The following NEK7 variants were observed in gnomAD, a reference collection of about 807,000 sequenced individuals.
NEK7 encodes the protein serine/threonine-protein kinase Nek7.
In NEK7, 18 loss-of-function variants were observed where a neutral mutation model predicts 44.6. That is an observed-to-expected ratio of 0.40 (90% CI 0.28 to 0.60). The LOEUF (loss-of-function observed/expected upper bound fraction) is 0.60, where lower values mean the gene tolerates loss of function less well. Among genes scored for constraint, NEK7 ranks in the 20% least tolerant of loss-of-function variants. The probability of loss-of-function intolerance (pLI) is 0.38; values close to 1 mark genes in which losing one functional copy is unlikely to be tolerated. For missense variants in NEK7, 256 were observed against 366.5 expected (o/e 0.70, Z 2.46); for synonymous variants, 130 against 121.1 (o/e 1.07, Z -0.48).
At chr1:198,237,790 ATTC>A (rs1666577762) in intron 2 of NEK7, among the ~76,000 whole-genome samples, 1 of 152,098 alleles carries the variant, frequency 6.6e-6, no homozygotes, top group Non-Finnish European at 1.5e-5. Flanking sequence ...GCTCATTCAT[ATTC>A]TTCAAGTATA....
At chr1:198,319,377 C>T in intron 9 of NEK7, 35 bp from the exon 10 acceptor site, 2 of 1,477,136 alleles carry the variant, frequency 1.4e-6, no homozygotes, top group Middle Eastern at 1.8e-4. Flanking sequence ...AAATAGTTGT[C>T]TTAATCAGGT....
intron 2 of NEK7, among the ~76,000 whole-genome samples, chr1:198,233,526 TTTTG>T (rs1666460846): frequency 6.6e-6 from 1 of 152,142 alleles, no homozygotes; most frequent in African/African-American, 2.4e-5. Flanking sequence ...CTTGTCCCAA[TTTTG>T]TTTGGACGGT....
chr1:198,167,298 A>G (rs1346879900), intron 1 of NEK7, among the ~76,000 whole-genome samples: 1 of 152,158 alleles, frequency 6.6e-6, no homozygotes, highest in Non-Finnish European at 1.5e-5. Flanking sequence ...CAACAAGCAA[A>G]ATCTATGCTT....
At chr1:198,182,750 T>G (rs961864629) in intron 1 of NEK7, among the ~76,000 whole-genome samples, 1 of 152,198 alleles carries the variant, frequency 6.6e-6, no homozygotes, top group Non-Finnish European at 1.5e-5. Flanking sequence ...TACAACTGAT[T>G]ACAGTTATTT....
At chr1:198,239,072 T>G (rs1254005141) in intron 2 of NEK7, among the ~76,000 whole-genome samples, 1 of 152,220 alleles carries the variant, frequency 6.6e-6, no homozygotes, top group East Asian at 1.9e-4. Context: ...GTTTAGAATA[T>G]TGTCATTTGA....
At chr1:198,244,563 C>T (rs760993449) in intron 2 of NEK7, among the ~76,000 whole-genome samples, 2 of 151,920 alleles carry the variant, frequency 1.3e-5, no homozygotes, top group African/African-American at 4.8e-5. Context: ...CAGACTGATA[C>T]GTAGAAGTTA....
intron 1 of NEK7, among the ~76,000 whole-genome samples, chr1:198,204,762 G>C (rs986714104): frequency 6.8e-6 from 1 of 147,676 alleles, no homozygotes; most frequent in Non-Finnish European, 1.5e-5. Context: ...TTCATTTACA[G>C]ATATTGGCTG....
chr1:198,294,622 A>G (rs1288192696), intron 8 of NEK7, among the ~76,000 whole-genome samples: 1 of 152,138 alleles, frequency 6.6e-6, no homozygotes, highest in Non-Finnish European at 1.5e-5. Flanking sequence ...TAGCATACTC[A>G]TGTCAAAACT....
intron 3 of NEK7, among the ~76,000 whole-genome samples, chr1:198,257,941 T>C (rs1338461796): frequency 6.6e-6 from 1 of 151,966 alleles, no homozygotes; most frequent in Non-Finnish European, 1.5e-5. Flanking sequence ...GTGTGGAAAA[T>C]AGACAATAAA....
chr1:198,172,221 C>G (rs1185463697), intron 1 of NEK7, among the ~76,000 whole-genome samples: 1 of 152,144 alleles, frequency 6.6e-6, no homozygotes. Context: ...ATAGACCATA[C>G]CAGCACTCTT....
Position 198,244,141 on chromosome 1 carries a change from A to ACATT in NEK7, c.58-8899_58-8898insCATT, listed in dbSNP as rs1284945945. Among the ~76,000 whole-genome samples, 2 of 152,184 alleles carry ACATT rather than the reference A, an allele frequency of 1.3e-5. 1 individual carries two copies. The highest frequency in any genetic ancestry group is 3.8e-4 in the East Asian group (2 of 5,204). On this transcript the variant is annotated intron_variant, in intron 2 of 9. Transcript: ENST00000367385. ...ATATAAAATGTAAGGTAGTTTATTT[A>ACATT]AAATAATTAAGTGGCACAGGAAAAT...
chr1:198,312,337 T>G (rs916629232), intron 9 of NEK7, among the ~76,000 whole-genome samples: 31 of 151,012 alleles, frequency 2.1e-4, no homozygotes, highest in Non-Finnish European at 2.5e-4. Flanking sequence ...CTTTTTTTCT[T>G]TATTAGTCTT....
chr1:198,252,567 T>TATATATATATATAA (rs1307124157), intron 2 of NEK7, among the ~76,000 whole-genome samples: 1 of 50,994 alleles, frequency 2.0e-5, no homozygotes, highest in Non-Finnish European at 3.1e-5. Context: ...TATATATATA[T>TATATATATATATAA]AAAAAGTACA....
At chr1:198,158,867 G>C (rs1045159517) in intron 1 of NEK7, among the ~76,000 whole-genome samples, 1 of 152,156 alleles carries the variant, frequency 6.6e-6, no homozygotes, top group Non-Finnish European at 1.5e-5. Context: ...GGTCTCGCAC[G>C]GGGAACTTGC....
chr1:198,159,940 G>A (rs1387248842), intron 1 of NEK7, among the ~76,000 whole-genome samples: 1 of 152,142 alleles, frequency 6.6e-6, no homozygotes, highest in Admixed American at 6.5e-5. Flanking sequence ...AGGACCTCAT[G>A]CCCCAAATCT....
chr1:198,179,953 T>C (rs1028408331), intron 1 of NEK7, among the ~76,000 whole-genome samples: 1 of 152,162 alleles, frequency 6.6e-6, no homozygotes, highest in Non-Finnish European at 1.5e-5. Flanking sequence ...TTAAGTTGTG[T>C]AACTTCTTTC....
At chr1:198,305,407 G>A (rs1349537087) in intron 9 of NEK7, among the ~76,000 whole-genome samples, 3 of 152,004 alleles carry the variant, frequency 2.0e-5, no homozygotes, top group Admixed American at 6.6e-5. Flanking sequence ...TATTCCTTCC[G>A]GAGGTTAACA....
chr1:198,281,803 G>A (rs964965966), intron 7 of NEK7, among the ~76,000 whole-genome samples: 1 of 151,902 alleles, frequency 6.6e-6, no homozygotes, highest in Admixed American at 6.6e-5. Flanking sequence ...TTCATTTTGT[G>A]TCTCTTATTT....
At chr1:198,254,161 T>C (rs1317058191) in intron 3 of NEK7, among the ~76,000 whole-genome samples, 3 of 152,082 alleles carry the variant, frequency 2.0e-5, no homozygotes, top group South Asian at 2.1e-4. Context: ...AAAATGAAAC[T>C]AATGATTTAT....
Sources: allele counts gnomAD v4.1 joint callset (sites outside exome capture counted in the v4.1 genomes callset), GRCh38; gene constraint gnomAD v4.1.1; transcripts MANE v1.5; gene names NCBI Gene and HGNC (gene_info 2026-07-23, HGNC 2026-07-21).